The following DLG2 variants were observed in gnomAD, a reference collection of about 807,000 sequenced individuals.
The protein encoded by DLG2 is discs large MAGUK scaffold protein 2.
A neutral mutation model predicts 132.5 loss-of-function variants in DLG2; 45 were observed. The ratio of observed to expected loss-of-function variants is 0.34; its 90% CI spans 0.27 to 0.44. The LOEUF is 0.44. Ranked by LOEUF, DLG2 falls within the 20% of genes least tolerant of loss-of-function variation. The probability of loss-of-function intolerance (pLI) is 1.00; values close to 1 mark genes in which losing one functional copy is unlikely to be tolerated. For missense variants in DLG2, 1,045 were observed against 1,196.9 expected (o/e 0.87, Z 1.87); for synonymous variants, 424 against 419.6 (o/e 1.01, Z -0.13).
chr11:83,833,823 C>A (rs191151252), intron 16 of DLG2, 53 bp from the exon 17 acceptor site: 1 of 1,567,224 alleles, frequency 6.4e-7, no homozygotes, highest in Admixed American at 1.9e-5. Context: ...TTAAGATTTA[C>A]GTTGCTTTTA....
At chr11:84,910,581 C>A (rs2091961475) in intron 6 of DLG2, among the ~76,000 whole-genome samples, 1 of 152,096 alleles carries the variant, frequency 6.6e-6, no homozygotes, top group African/African-American at 2.4e-5. Flanking sequence ...ATAAGAGAGA[C>A]TCAATTAATG....
At chr11:84,462,432 C>T (rs955470761) in intron 7 of DLG2, among the ~76,000 whole-genome samples, 3 of 150,840 alleles carry the variant, frequency 2.0e-5, no homozygotes, top group Admixed American at 6.6e-5. Flanking sequence ...ACACAGTGAC[C>T]ACTGTGCTTT....
At chr11:84,187,096 T>G (rs994454653) in intron 8 of DLG2, among the ~76,000 whole-genome samples, 1 of 149,918 alleles carries the variant, frequency 6.7e-6, no homozygotes, top group Non-Finnish European at 1.5e-5. Context: ...AAGTATAAAA[T>G]AAATTAAATA....
intron 2 of DLG2, among the ~76,000 whole-genome samples, chr11:85,619,650 A>G (rs2081566963): frequency 6.6e-6 from 1 of 152,090 alleles, no homozygotes; most frequent in Non-Finnish European, 1.5e-5. Flanking sequence ...CCTGCCCAAC[A>G]TGGTGAAATC....
At chr11:84,687,741 A>G (rs2099739365) in intron 6 of DLG2, among the ~76,000 whole-genome samples, 1 of 152,192 alleles carries the variant, frequency 6.6e-6, no homozygotes, top group Admixed American at 6.5e-5. Context: ...CTTGAAGATC[A>G]TAACTATAGT....
intron 3 of DLG2, among the ~76,000 whole-genome samples, chr11:85,393,215 T>A (rs989181902): frequency 2.0e-5 from 3 of 151,944 alleles, no homozygotes; most frequent in Non-Finnish European, 2.9e-5. Flanking sequence ...AACAAACATA[T>A]GAAAAAATGC....
intron 7 of DLG2, among the ~76,000 whole-genome samples, chr11:84,401,768 C>T (rs115196935): frequency 1.5e-3 from 225 of 152,216 alleles, no homozygotes; most frequent in African/African-American, 5.1e-3. Flanking sequence ...CCGAAAGCTC[C>T]GCCTCCTGGC....
chr11:85,586,942 T>C (rs2079010447), intron 3 of DLG2, among the ~76,000 whole-genome samples: 1 of 152,180 alleles, frequency 6.6e-6, no homozygotes, highest in African/African-American at 2.4e-5. Context: ...CCATCTTGAT[T>C]TCATTGTTGA....
chr11:84,341,355 A>C lies in DLG2; in HGVS notation c.520-90064T>G, dbSNP rs184484522. On this transcript the variant is annotated intron_variant, in intron 7 of 27. Transcript: ENST00000376104. ...GAAATTCATATTGCCTTAACTAATAAAAGAAAAAAATGGTGGAAATGGCAA... is the reference window on the plus strand; with the variant it reads ...GAAATTCATATTGCCTTAACTAATACAAGAAAAAAATGGTGGAAATGGCAA... Among the ~76,000 whole-genome samples the C allele has an allele frequency of 2.7e-3, 417 of 152,284 alleles. 1 individual carries two copies. Among genetic ancestry groups the C allele is most frequent in the Non-Finnish European group, 4.3e-3 (291 of 68,028 alleles).
At chr11:85,457,185 T>C (rs991931636) in intron 3 of DLG2, among the ~76,000 whole-genome samples, 5 of 222 alleles carry the variant, frequency 0.023, no homozygotes, top group African/African-American at 0.041. Context: ...CTTCTTTGTC[T>C]TTTTTTTTTT....
chr11:84,375,522 T>C (rs1049142130), intron 7 of DLG2, among the ~76,000 whole-genome samples: 3 of 152,148 alleles, frequency 2.0e-5, no homozygotes, highest in African/African-American at 4.8e-5. Context: ...ATAAAACTTA[T>C]TTAATAAAAC....
intron 7 of DLG2, among the ~76,000 whole-genome samples, chr11:84,394,647 G>A (rs777508109): frequency 4.6e-5 from 7 of 151,574 alleles, no homozygotes; most frequent in Admixed American, 1.3e-4. Context: ...TTATTTTATT[G>A]AGATGGAGTC....
chr11:84,271,906 G>A (rs1387876658), intron 7 of DLG2, among the ~76,000 whole-genome samples: 2 of 129,352 alleles, frequency 1.5e-5, no homozygotes, highest in Non-Finnish European at 3.1e-5. Context: ...CGTGAACGAG[G>A]AAATACTTGA....
intron 16 of DLG2, among the ~76,000 whole-genome samples, chr11:83,867,648 C>T (rs2062649702): frequency 6.6e-6 from 1 of 151,984 alleles, no homozygotes; most frequent in South Asian, 2.1e-4. Context: ...CTTGAAATTC[C>T]ACGTTTGGAA....
chr11:85,538,615 A>G lies in DLG2; in HGVS notation c.40+60042T>C, dbSNP rs140872329. Among the ~76,000 whole-genome samples, 279 of 152,094 alleles carry G rather than the reference A, an allele frequency of 1.8e-3. 8 individuals carry two copies. The highest frequency in any genetic ancestry group is 6.4e-3 in the African/African-American group (266 of 41,354). ...CAAATGCCCATCAATGATAAACTGG[A>G]TAAAGAAAATGTGGTACATATACAC... On this transcript the variant is annotated intron_variant, in intron 3 of 27. Coordinates refer to ENST00000376104, the MANE Select transcript of DLG2 (RefSeq NM_001142699.3).
At chr11:83,720,813 C>T (rs2153684040) in intron 18 of DLG2, 1 of 143,672 alleles carries the variant, frequency 7.0e-6, no homozygotes, top group Non-Finnish European at 1.5e-5. Context: ...AGAACCCTCT[C>T]TTCTGCTGCT....
chr11:83,585,075 A>G (rs546586995), intron 19 of DLG2, among the ~76,000 whole-genome samples: 4 of 152,344 alleles, frequency 2.6e-5, no homozygotes, highest in Admixed American at 1.3e-4. Flanking sequence ...ATAAAATGGT[A>G]GCATTATTGC....
At chr11:84,771,502 T>C (rs1481514182) in intron 6 of DLG2, among the ~76,000 whole-genome samples, 1 of 152,258 alleles carries the variant, frequency 6.6e-6, no homozygotes, top group Non-Finnish European at 1.5e-5. Flanking sequence ...TTCCAGATGC[T>C]GGATATTAGA....
rs534206345 is a variant in DLG2, at chr11:84,898,300, T to C, written c.357+213361A>G. ...ATTTTGCTTGAATAGTATCTTCATG[T>C]TTTTGCTTTATTGGTTTCTTTCCTT... On this transcript the variant is annotated intron_variant, in intron 6 of 27. Transcript: ENST00000376104. Among the ~76,000 whole-genome samples, 15 of 152,056 alleles carry C rather than the reference T, an allele frequency of 9.9e-5. 1 individual carries two copies. In the South Asian group the frequency reaches 2.5e-3, roughly 25 times the overall value.
Sources: gnomAD v4.1 joint callset for allele counts (sites outside exome capture counted in the v4.1 genomes callset) on GRCh38, gnomAD v4.1.1 for gene constraint, MANE v1.5 for transcripts, NCBI Gene and HGNC (gene_info 2026-07-23, HGNC 2026-07-21) for gene names.